The following IRAG1 variants were observed in gnomAD, a reference collection of about 807,000 sequenced individuals.
IRAG1 encodes inositol 1,4,5-triphosphate receptor associated 1.
A neutral mutation model predicts 106.2 loss-of-function variants in IRAG1; 62 were observed. The ratio of observed to expected loss-of-function variants is 0.58; its 90% CI spans 0.48 to 0.72. The LOEUF is 0.72. Among genes scored for constraint, IRAG1 ranks in the 30% least tolerant of loss-of-function variants. The pLI, the probability that IRAG1 is intolerant of heterozygous loss-of-function variation, is 0.00. For synonymous variants in IRAG1, 462 were observed against 443.9 expected, an observed-to-expected ratio of 1.04 and a Z score of -0.51; for missense variants, 1,064 against 1,140.7, an observed-to-expected ratio of 0.93 and a Z score of 0.97.
At chr11:10,678,049 C>T (rs1434331540) in intron 1 of IRAG1, among the ~76,000 whole-genome samples, 1 of 125,528 alleles carries the variant, frequency 8.0e-6, no homozygotes, top group East Asian at 2.0e-4. Flanking sequence ...TCTGTCTATC[C>T]ATCCCACATT....
chr11:10,683,381 A>G (rs1453251157), intron 1 of IRAG1, among the ~76,000 whole-genome samples: 1 of 152,114 alleles, frequency 6.6e-6, no homozygotes, highest in Non-Finnish European at 1.5e-5. Flanking sequence ...AAAAAAGTAC[A>G]ATGAAAATAC....
chr11:10,680,145 T>C (rs191596174), intron 1 of IRAG1, among the ~76,000 whole-genome samples: 1,539 of 151,658 alleles, frequency 0.01, 13 homozygotes, highest in Admixed American at 0.016. Context: ...TGGTGGCGCA[T>C]GCCTGTAATC....
Position 10,629,703 on chromosome 11 carries a change from C to A in IRAG1, c.409G>T (p.Gly137Trp), listed in dbSNP as rs766851196. The A allele has an allele frequency of 5.6e-6, 9 of 1,613,182 alleles. No homozygotes were observed. Among genetic ancestry groups the A allele is most frequent in the Non-Finnish European group, 6.8e-6 (8 of 1,179,592 alleles). Reference sequence around the variant, plus strand: ...TCATTCACCAGGTCAATGATGTGCCCCGCGGGGTCTGCAGAAGGAGGATGA... The same window carrying A: ...TCATTCACCAGGTCAATGATGTGCCACGCGGGGTCTGCAGAAGGAGGATGA... Reference protein sequence around the residue: ...TASLTSVDPAGHIIDLVNDQL... With the variant: ...TASLTSVDPAWHIIDLVNDQL... Residue 137 changes from glycine (G) to tryptophan (W), a missense_variant, in exon 5 of 21, where the codon GGG becomes TGG. Physicochemically the swap from Gly to Trp is radical, Grantham distance 184. Transcript: ENST00000423302.
At chr11:10,688,274 C>A (rs546656693) in intron 1 of IRAG1, among the ~76,000 whole-genome samples, 1 of 152,126 alleles carries the variant, frequency 6.6e-6, no homozygotes, top group South Asian at 2.1e-4. Flanking sequence ...TCCATAGGGA[C>A]ACTGTGCTGC....
In IRAG1 at chr11:10,626,157, G is replaced by A; in HGVS notation, c.1177C>T (p.Leu393Phe). ...TVSRPPLLRGLSWDSGPEEPG... is the reference protein window; with the variant it reads ...TVSRPPLLRGFSWDSGPEEPG... Reference sequence around the variant, plus strand: ...TCTTCAGGGCCACTGTCCCAGGAGAGCCCTCGCAGCAGCGGGGGCCGGGAC... The same window carrying A: ...TCTTCAGGGCCACTGTCCCAGGAGAACCCTCGCAGCAGCGGGGGCCGGGAC... Residue 393 changes from leucine to phenylalanine, a missense_variant, in exon 9 of 21, where the codon CTC (leucine) becomes TTC (phenylalanine). Physicochemically the swap from Leu to Phe is conservative, Grantham distance 22. Coordinates refer to ENST00000423302, the MANE Select transcript of IRAG1 (RefSeq NM_130385.4). 1.3e-6 allele frequency: 2 copies of A among 1,538,876 alleles called. No homozygotes were observed. The highest frequency in any genetic ancestry group is 1.8e-6 in the Non-Finnish European group (2 of 1,142,500).
At chr11:10,667,503 C>A (rs1859878554) in intron 1 of IRAG1, among the ~76,000 whole-genome samples, 1 of 152,198 alleles carries the variant, frequency 6.6e-6, no homozygotes, top group African/African-American at 2.4e-5. Context: ...CCTCTTACTG[C>A]CTCAGTTACC....
intron 10 of IRAG1, among the ~76,000 whole-genome samples, chr11:10,616,707 A>G (rs1374467672): frequency 6.6e-6 from 1 of 152,204 alleles, no homozygotes; most frequent in Admixed American, 6.5e-5. Context: ...TTTTAATTTC[A>G]AACAAGTATA....
intron 2 of IRAG1, among the ~76,000 whole-genome samples, chr11:10,640,452 G>GT (rs1857433058): frequency 6.6e-6 from 1 of 152,230 alleles, no homozygotes; most frequent in African/African-American, 2.4e-5. Context: ...AAATCATAGT[G>GT]TTCTTTCCCT....
intron 4 of IRAG1, 81 bp downstream of exon 4, chr11:10,631,910 G>T (rs1261747399): frequency 2.6e-6 from 3 of 1,173,238 alleles, no homozygotes; most frequent in African/African-American, 1.5e-5. Context: ...TAAAGAGCAG[G>T]AGAGAGGAAG....
intron 1 of IRAG1, among the ~76,000 whole-genome samples, chr11:10,673,283 C>CA (rs1564938732): frequency 2.7e-5 from 4 of 148,686 alleles, no homozygotes; most frequent in South Asian, 2.1e-4. Context: ...AACTTTGTCT[C>CA]AAAAAAAAGG....
chr11:10,679,894 A>G (rs997170551), intron 1 of IRAG1, among the ~76,000 whole-genome samples: 2 of 152,224 alleles, frequency 1.3e-5, no homozygotes, highest in African/African-American at 4.8e-5. Flanking sequence ...TAAATCTGCA[A>G]GAAGGGGTGA....
At chr11:10,663,053 G>A (rs957049980) in intron 1 of IRAG1, among the ~76,000 whole-genome samples, 1 of 152,152 alleles carries the variant, frequency 6.6e-6, no homozygotes, top group Non-Finnish European at 1.5e-5. Flanking sequence ...TAGGATGGGA[G>A]CAAGGATGGA....
rs75426020 is a variant in IRAG1 at position 10,605,264 on chromosome 11, G to A, written c.1603-719C>T. ...GGACCTCACTCAGGAAGGAAGCAAT[G>A]GTCTTCAATTTTACAGCCATCATCT... is the stretch of plus-strand genomic sequence containing the variant. On this transcript the variant is annotated intron_variant, in intron 12 of 20. Coordinates refer to ENST00000423302, the MANE Select transcript of IRAG1 (RefSeq NM_130385.4). 4.3e-3 allele frequency among the ~76,000 whole-genome samples: 662 copies of A among 152,306 alleles called. 5 individuals carry two copies. The highest frequency in any genetic ancestry group is 0.015 in the African/African-American group (632 of 41,568).
At chr11:10,582,317 C>T (rs1460428632) in intron 18 of IRAG1, among the ~76,000 whole-genome samples, 2 of 152,154 alleles carry the variant, frequency 1.3e-5, no homozygotes, top group Non-Finnish European at 2.9e-5. Flanking sequence ...CGTTTAAGGT[C>T]ATTCCATTCC....
At chr11:10,609,884 C>T in intron 10 of IRAG1, 33 bp from the exon 11 acceptor site, 1 of 1,610,518 alleles carries the variant, frequency 6.2e-7, no homozygotes, top group Non-Finnish European at 8.5e-7. Context: ...TAAAATGTCT[C>T]TTTGAAATCA....
chr11:10,620,408 T>C (rs1001693125), intron 10 of IRAG1, among the ~76,000 whole-genome samples: 6 of 152,204 alleles, frequency 3.9e-5, no homozygotes, highest in Non-Finnish European at 7.4e-5. Context: ...AGGGCTAATA[T>C]CTATAATGTA....
At chr11:10,642,968 G>A (rs1170128355) in intron 2 of IRAG1, among the ~76,000 whole-genome samples, 5 of 152,006 alleles carry the variant, frequency 3.3e-5, no homozygotes, top group South Asian at 2.1e-4. Context: ...TCAGGAGATC[G>A]AGACCATCTT....
chr11:10,669,455 C>G (rs548838894), intron 1 of IRAG1, among the ~76,000 whole-genome samples: 1 of 152,346 alleles, frequency 6.6e-6, no homozygotes, highest in East Asian at 1.9e-4. Context: ...CTTCCCTCTT[C>G]CATGCTGCAG....
intron 10 of IRAG1, among the ~76,000 whole-genome samples, chr11:10,622,925 T>C (rs1210496467): frequency 9.5e-5 from 10 of 105,516 alleles, no homozygotes; most frequent in Non-Finnish European, 2.1e-5. Flanking sequence ...GGGCTTCTTC[T>C]CTAGGGATAA....
Sources: gnomAD v4.1 joint callset for allele counts (sites outside exome capture counted in the v4.1 genomes callset) on GRCh38, gnomAD v4.1.1 for gene constraint, MANE v1.5 for transcripts, NCBI Gene and HGNC (gene_info 2026-07-23, HGNC 2026-07-21) for gene names.